BANK1: variants seen among roughly 807,000 people sequenced by gnomAD.
BANK1 encodes B cell scaffold protein with ankyrin repeats 1, also known as B-cell scaffold protein with ankyrin repeats.
A neutral mutation model predicts 94.5 loss-of-function variants in BANK1; 95 were observed. That is an observed-to-expected ratio of 1.00 (90% confidence interval 0.85 to 1.19). The LOEUF (loss-of-function observed/expected upper bound fraction) is 1.19. BANK1 is among the 50% of genes most tolerant of loss of function. The pLI, the probability that BANK1 is intolerant of heterozygous loss-of-function variation, is 0.00. For synonymous variants in BANK1, 334 were observed against 308.4 expected, an observed-to-expected ratio of 1.08 and a Z score of -0.87; for missense variants, 987 against 932.2, an observed-to-expected ratio of 1.06 and a Z score of -0.77.
chr4:101,933,233 A>G (rs17208914), intron 7 of BANK1, among the ~76,000 whole-genome samples: 68,291 of 150,628 alleles, frequency 0.45, 15,680 homozygotes, highest in South Asian at 0.54. Flanking sequence ...AACTAGTGGA[A>G]ATAAGATTTA....
At chr4:101,874,549 C>T (rs1728415591) in intron 5 of BANK1, among the ~76,000 whole-genome samples, 1 of 152,156 alleles carries the variant, frequency 6.6e-6, no homozygotes, top group Non-Finnish European at 1.5e-5. Flanking sequence ...CTAAGCTTTA[C>T]CATACATCAG....
intron 7 of BANK1, among the ~76,000 whole-genome samples, chr4:102,006,538 C>G (rs893823996): frequency 6.6e-6 from 1 of 151,922 alleles, no homozygotes; most frequent in Non-Finnish European, 1.5e-5. Flanking sequence ...ATTATTCTTT[C>G]CAGGATGGTG....
intron 2 of BANK1, among the ~76,000 whole-genome samples, chr4:101,843,810 T>A (rs1216868964): frequency 6.6e-6 from 1 of 151,930 alleles, no homozygotes; most frequent in Non-Finnish European, 1.5e-5. Flanking sequence ...TAATGCCAGC[T>A]ACTTGGGAGG....
intron 7 of BANK1, among the ~76,000 whole-genome samples, chr4:102,005,417 G>A (rs891990342): frequency 6.6e-6 from 1 of 152,020 alleles, no homozygotes; most frequent in Admixed American, 6.6e-5. Flanking sequence ...AAGTGGTTAT[G>A]GATATGAATC....
intron 5 of BANK1, among the ~76,000 whole-genome samples, chr4:101,873,545 T>G (rs987315964): frequency 6.6e-6 from 1 of 152,206 alleles, no homozygotes; most frequent in Non-Finnish European, 1.5e-5. Flanking sequence ...AAATGAGCGT[T>G]CTGTGAATTT....
chr4:101,874,849 A>G (rs1308332628), intron 5 of BANK1, among the ~76,000 whole-genome samples: 2 of 152,184 alleles, frequency 1.3e-5, no homozygotes, highest in African/African-American at 4.8e-5. Context: ...AGTTCCTGAT[A>G]CAAGGGGGCA....
chr4:101,955,678 T>G (rs1273755029), intron 7 of BANK1, among the ~76,000 whole-genome samples: 11 of 152,218 alleles, frequency 7.2e-5, no homozygotes, highest in Admixed American at 7.2e-4. Flanking sequence ...TTAAAATTAT[T>G]GATATAAGAT....
At chr4:101,889,648 T>C (rs1721777437) in intron 5 of BANK1, among the ~76,000 whole-genome samples, 1 of 150,356 alleles carries the variant, frequency 6.7e-6, no homozygotes, top group Admixed American at 6.6e-5. Context: ...GTTACTATAG[T>C]TTTTCTTTAT....
chr4:101,864,260 C>G (rs1176744851), intron 4 of BANK1, among the ~76,000 whole-genome samples: 3 of 152,244 alleles, frequency 2.0e-5, no homozygotes, highest in African/African-American at 7.2e-5. Context: ...TTACCTGAAC[C>G]TGTTTGGTTG....
intron 5 of BANK1, among the ~76,000 whole-genome samples, chr4:101,872,687 A>G (rs1728337898): frequency 6.6e-6 from 1 of 152,110 alleles, no homozygotes; most frequent in South Asian, 2.1e-4. Flanking sequence ...TAGATTATAT[A>G]TATTTAACAA....
At chr4:101,827,645 T>A (rs141206338) in intron 1 of BANK1, among the ~76,000 whole-genome samples, 187 of 152,124 alleles carry the variant, frequency 1.2e-3, no homozygotes, top group African/African-American at 4.1e-3. Flanking sequence ...AAAGTTTTTT[T>A]AATTTCTGTT....
At chr4:101,881,236 C>G (rs779925132) in intron 5 of BANK1, among the ~76,000 whole-genome samples, 64 of 151,712 alleles carry the variant, frequency 4.2e-4, no homozygotes, top group African/African-American at 1.5e-3. Flanking sequence ...AAAAAAAAAT[C>G]TAGTAATCCA....
At chr4:101,798,848 A>T (rs1725251914) in intron 1 of BANK1, among the ~76,000 whole-genome samples, 1 of 152,112 alleles carries the variant, frequency 6.6e-6, no homozygotes, top group Non-Finnish European at 1.5e-5. Flanking sequence ...TTCTTTGTAG[A>T]TTCTGGATAT....
chr4:101,817,786 T>G (rs1725973793), intron 1 of BANK1, among the ~76,000 whole-genome samples: 3 of 152,194 alleles, frequency 2.0e-5, no homozygotes, highest in Admixed American at 2.0e-4. Flanking sequence ...TGGCTTTGAA[T>G]GTAGCCCAAC....
Position 101,905,971 on chromosome 4 carries a change from AC to A in BANK1, c.1009+10562del, listed in dbSNP as rs550679723. 3.9e-5 allele frequency among the ~76,000 whole-genome samples: 6 copies of A among 152,336 alleles called. No individual in the cohort carries two copies. The South Asian group carries it at 1.2e-3, about 32-fold the overall frequency. ...GTGATTTTTTCCCAAGCTCTAATGC[AC>A]ACTCTGCTAAGCTGTTCTATGGCAT... is the stretch of plus-strand genomic sequence containing the variant. On this transcript the variant is annotated intron_variant, in intron 6 of 16. Coordinates refer to ENST00000322953, the MANE Select transcript of BANK1 (RefSeq NM_017935.5).
intron 1 of BANK1, among the ~76,000 whole-genome samples, chr4:101,829,582 TTATAC>T (rs1379885412): frequency 7.2e-5 from 11 of 152,068 alleles, no homozygotes; most frequent in African/African-American, 2.4e-4. Context: ...TCCTTATTTA[TTATAC>T]TCTTTCATAT....
chr4:101,935,353 C>G lies in BANK1; in HGVS notation c.1206+17164C>G, dbSNP rs115486910. On this transcript the variant is annotated intron_variant, in intron 7 of 16. Transcript: ENST00000322953. ...TGTGAAGGCAAATTGAAATGTAAATCTTTCTGTGGGCTGTTAACTTGCTGA... is the reference window on the plus strand; with the variant it reads ...TGTGAAGGCAAATTGAAATGTAAATGTTTCTGTGGGCTGTTAACTTGCTGA... Among the ~76,000 whole-genome samples, 552 of 151,560 alleles carry G rather than the reference C, an allele frequency of 3.6e-3. 3 individuals are homozygous for G. Among genetic ancestry groups the G allele is most frequent in the Non-Finnish European group, 6.4e-3 (431 of 67,622 alleles).
chr4:102,006,752 C>T (rs2631258), intron 7 of BANK1, among the ~76,000 whole-genome samples: 139,870 of 151,446 alleles, frequency 0.92, 64,782 homozygotes, highest in African/African-American at 0.95. Context: ...TCATAAGATA[C>T]GATCTATTTA....
In BANK1 at chr4:102,060,297, A is replaced by G; in HGVS notation, c.2056A>G (p.Lys686Glu). The change falls in exon 12 of 17, where the codon AAA becomes GAA. Residue 686 changes from lysine (K) to glutamate (E), a missense_variant. Physicochemically the swap from Lys to Glu is moderately conservative, Grantham distance 56. Coordinates refer to ENST00000322953, the MANE Select transcript of BANK1 (RefSeq NM_017935.5). The stretch of plus-strand genomic sequence containing the variant: ...GGAAGAACTCATCCTCCTGCAGGAG[A>G]AAGTAAAGAATGGGAAAATGTCTAT... ...GQEELILLQE[K>E]VKNGKMSMDE... The G allele has an allele frequency of 6.2e-7, 1 of 1,610,612 alleles. No homozygotes were observed. Among genetic ancestry groups the G allele is most frequent in the South Asian group, 1.1e-5 (1 of 90,344 alleles).
Sources: gnomAD v4.1 joint callset for allele counts (sites outside exome capture counted in the v4.1 genomes callset) on GRCh38, gnomAD v4.1.1 for gene constraint, MANE v1.5 for transcripts, NCBI Gene and HGNC (gene_info 2026-07-23, HGNC 2026-07-21) for gene names.